GABBR2: variants seen among roughly 807,000 people sequenced by gnomAD.
The protein encoded by GABBR2 is gamma-aminobutyric acid type B receptor subunit 2.
A neutral mutation model predicts 105.6 loss-of-function variants in GABBR2; 23 were observed. That is an observed-to-expected ratio of 0.22 (90% CI 0.16 to 0.31). The LOEUF is 0.31. Among genes scored for constraint, GABBR2 ranks in the 10% least tolerant of loss-of-function variants. The pLI is 1.00. For synonymous variants in GABBR2, 478 were observed against 499.7 expected, an observed-to-expected ratio of 0.96 and a Z score of 0.58; for missense variants, 734 against 1,245.5, an observed-to-expected ratio of 0.59 and a Z score of 6.18.
At chr9:98,501,693 G>C (rs371633843) in intron 3 of GABBR2, among the ~76,000 whole-genome samples, 4 of 152,208 alleles carry the variant, frequency 2.6e-5, no homozygotes, top group African/African-American at 9.6e-5. Context: ...GATGGAGAGT[G>C]TAAAGGTCAC....
intron 11 of GABBR2, among the ~76,000 whole-genome samples, chr9:98,380,531 G>A (rs1831954351): frequency 6.6e-6 from 1 of 152,242 alleles, no homozygotes; most frequent in African/African-American, 2.4e-5. Flanking sequence ...CCTGGCACTG[G>A]GGCCCTGGCC....
At chr9:98,655,872 A>T (rs7035420) in intron 1 of GABBR2, among the ~76,000 whole-genome samples, 99,507 of 151,926 alleles carry the variant, frequency 0.65, 33,558 homozygotes, top group Middle Eastern at 0.81. Flanking sequence ...CATTAGGAGA[A>T]ATACCTAATG....
At chr9:98,478,185 C>T (rs2131638730) in intron 5 of GABBR2, among the ~76,000 whole-genome samples, 1 of 152,344 alleles carries the variant, frequency 6.6e-6, no homozygotes, top group East Asian at 1.9e-4. Context: ...AACACAGCAA[C>T]ACGCTGTAAA....
intron 7 of GABBR2, among the ~76,000 whole-genome samples, chr9:98,411,151 T>A (rs956655271): frequency 1.3e-5 from 2 of 152,200 alleles, no homozygotes; most frequent in East Asian, 1.9e-4. Flanking sequence ...ATAAGGATTT[T>A]TTTTCCCCCT....
intron 1 of GABBR2, among the ~76,000 whole-genome samples, chr9:98,649,979 G>A (rs1254052330): frequency 6.6e-6 from 1 of 152,136 alleles, no homozygotes; most frequent in African/African-American, 2.4e-5. Flanking sequence ...TCATGTGTCT[G>A]GATTTACACT....
intron 3 of GABBR2, among the ~76,000 whole-genome samples, chr9:98,518,579 C>T (rs931127784): frequency 2.0e-5 from 3 of 152,304 alleles, no homozygotes; most frequent in Middle Eastern, 6.8e-3. Flanking sequence ...CTGGCATCCC[C>T]TGCTTCTTCC....
In GABBR2 at chr9:98,530,944, G is replaced by A. The variant is rs540601063; in HGVS notation, c.630+10929C>T. Among the ~76,000 whole-genome samples, 42 of 152,278 alleles carry A rather than the reference G, an allele frequency of 2.8e-4. 1 individual carries two copies. In the South Asian group the frequency reaches 8.5e-3, roughly 31 times the overall value. The stretch of plus-strand genomic sequence containing the variant: ...AGAGGGGGAAGGGTTGCTTCGCAAG[G>A]CTTGAGTCCTGCCCTGGGAGCCTGG... On this transcript the variant is annotated intron_variant, in intron 3 of 18. Coordinates refer to ENST00000259455, the MANE Select transcript of GABBR2 (RefSeq NM_005458.8).
At chr9:98,639,185 G>A (rs1294193128) in intron 1 of GABBR2, among the ~76,000 whole-genome samples, 1 of 152,176 alleles carries the variant, frequency 6.6e-6, no homozygotes, top group Non-Finnish European at 1.5e-5. Flanking sequence ...GCTAAGGTGA[G>A]TGGGTCACTC....
intron 3 of GABBR2, among the ~76,000 whole-genome samples, chr9:98,523,219 T>C (rs1827899156): frequency 6.6e-6 from 1 of 151,942 alleles, no homozygotes; most frequent in South Asian, 2.1e-4. Context: ...AACCTACATA[T>C]AAAGGGAAGG....
intron 6 of GABBR2, among the ~76,000 whole-genome samples, chr9:98,471,708 C>G (rs1826686539): frequency 1.3e-5 from 2 of 152,226 alleles, no homozygotes; most frequent in South Asian, 4.1e-4. Context: ...ACTGTACCAT[C>G]TGCTTTCATG....
intron 7 of GABBR2, among the ~76,000 whole-genome samples, chr9:98,416,185 A>G (rs1832687024): frequency 6.6e-6 from 1 of 152,170 alleles, no homozygotes; most frequent in Admixed American, 6.5e-5. Context: ...ACTGGCTCTC[A>G]GCTCTCTCTG....
chr9:98,550,351 C>T lies in GABBR2; in HGVS notation c.460-8308G>A, dbSNP rs567945566. Among the ~76,000 whole-genome samples, 9 of 152,252 alleles carry T rather than the reference C, an allele frequency of 5.9e-5. No homozygotes were observed. The South Asian group carries it at 1.5e-3, about 25-fold the overall frequency. On this transcript the variant is annotated intron_variant, in intron 2 of 18. Transcript: ENST00000259455. Reference sequence around the variant, plus strand: ...CTAAATAGTGGTGATGGTTGAACAACGTTGTGAATGTACTCAATGACAATG... The same window carrying T: ...CTAAATAGTGGTGATGGTTGAACAATGTTGTGAATGTACTCAATGACAATG...
At chr9:98,410,309 T>G (rs1288035572) in intron 7 of GABBR2, among the ~76,000 whole-genome samples, 1 of 152,046 alleles carries the variant, frequency 6.6e-6, no homozygotes, top group Non-Finnish European at 1.5e-5. Context: ...GGGAGTTTGG[T>G]AACTCTGGCC....
chr9:98,405,807 C>A (rs912802102), intron 8 of GABBR2, among the ~76,000 whole-genome samples: 4 of 152,200 alleles, frequency 2.6e-5, no homozygotes, highest in Non-Finnish European at 5.9e-5. Flanking sequence ...CAGACGGAAT[C>A]ATCCATTTTT....
At position 98,385,784 on chromosome 9, in the gene GABBR2, A is replaced by G. The variant is rs1447894213; in HGVS notation, c.1530-12T>C. On this transcript the variant is annotated splice_polypyrimidine_tract_variant and intron_variant, in intron 10 of 18. Coordinates refer to ENST00000259455, the MANE Select transcript of GABBR2 (RefSeq NM_005458.8). ...ACATCTTTATGAGCCTGACAAGAGA[A>G]AGAGACAATAGATTTAACAGAATGG... 1 of 1,603,582 alleles carries G rather than the reference A, an allele frequency of 6.2e-7. No homozygotes were observed. Among genetic ancestry groups the G allele is most frequent in the Non-Finnish European group, 8.5e-7 (1 of 1,170,782 alleles).
At chr9:98,669,342 C>T (rs1226612212) in intron 1 of GABBR2, among the ~76,000 whole-genome samples, 1 of 152,022 alleles carries the variant, frequency 6.6e-6, no homozygotes, top group Non-Finnish European at 1.5e-5. Context: ...GGCTTAATGG[C>T]CATTCGTTTA....
chr9:98,640,233 G>A (rs576602599), intron 1 of GABBR2, among the ~76,000 whole-genome samples: 1 of 151,702 alleles, frequency 6.6e-6, no homozygotes, highest in Non-Finnish European at 1.5e-5. Flanking sequence ...TGGATCTGCT[G>A]TACCTATAGC....
At chr9:98,668,501 T>A (rs1295517595) in intron 1 of GABBR2, among the ~76,000 whole-genome samples, 1 of 152,206 alleles carries the variant, frequency 6.6e-6, no homozygotes, top group African/African-American at 2.4e-5. Flanking sequence ...TCCTTTTTTA[T>A]TGTGGCAAAA....
chr9:98,422,274 G>A (rs553707679), intron 7 of GABBR2, among the ~76,000 whole-genome samples: 27 of 152,278 alleles, frequency 1.8e-4, no homozygotes, highest in Admixed American at 5.2e-4. Context: ...TCTAATACAT[G>A]GCAACACTTA....
Sources: allele counts gnomAD v4.1 joint callset (sites outside exome capture counted in the v4.1 genomes callset), GRCh38; gene constraint gnomAD v4.1.1; transcripts MANE v1.5; gene names NCBI Gene and HGNC (gene_info 2026-07-23, HGNC 2026-07-21).